The following FRMPD4 variants were observed in gnomAD, a reference collection of about 807,000 sequenced individuals.
FRMPD4 encodes FERM and PDZ domain containing 4.
In FRMPD4, 22 loss-of-function variants were observed where a neutral mutation model predicts 94.1. The ratio of observed to expected loss-of-function variants is 0.23; its 90% CI spans 0.17 to 0.33. The LOEUF (loss-of-function observed/expected upper bound fraction) is 0.33, where lower values mean the gene tolerates loss of function less well. Ranked by LOEUF, FRMPD4 falls within the 10% of genes least tolerant of loss-of-function variation. The probability of loss-of-function intolerance (pLI) is 1.00; values close to 1 mark genes in which losing one functional copy is unlikely to be tolerated. For synonymous variants in FRMPD4, 631 were observed against 548.6 expected (o/e 1.15, Z -2.10); for missense variants, 1,111 against 1,339.9 (o/e 0.83, Z 2.67).
chrX:12,398,026 TG>T (rs1407594951), intron 1 of FRMPD4, among the ~76,000 whole-genome samples: 2 of 111,412 alleles, frequency 1.8e-5, no homozygotes, highest in Non-Finnish European at 3.8e-5. Flanking sequence ...CTCCTATCAC[TG>T]GGGGTCCTTT....
Position 12,686,101 on chromosome X carries a change from C to T in FRMPD4, c.578C>T (p.Thr193Ile), listed in dbSNP as rs1341649571. ...EVIINGQVSE[T>I]VKDNSLLFMP... is the part of the protein sequence containing the mutation. ...GCCCTTTTTTTTGTTAAACAGGAAACTGTTAAGGACAACTCACTTCTTTTT... is the reference window on the plus strand; with the variant it reads ...GCCCTTTTTTTTGTTAAACAGGAAATTGTTAAGGACAACTCACTTCTTTTT... The change falls in exon 7 of 17, where the codon ACT becomes ATT. Residue 193 changes from threonine to isoleucine, a missense_variant. Coordinates refer to ENST00000675598, the MANE Select transcript of FRMPD4 (RefSeq NM_001368397.1). 9.1e-7 allele frequency: 1 copy of T among 1,102,174 alleles called. No homozygotes were observed. Among genetic ancestry groups the T allele is most frequent in the Non-Finnish European group, 1.2e-6 (1 of 800,008 alleles). The allele number at this position is 1,102,174 out of a possible 1,213,427, so 90.8% of individuals were successfully genotyped here. A position where few individuals can be genotyped will look rare whatever the true frequency, so the allele number is the denominator to read the frequency against.
At chrX:12,245,880 T>C (rs1486944258) in intron 1 of FRMPD4, among the ~76,000 whole-genome samples, 2 of 111,266 alleles carry the variant, frequency 1.8e-5, no homozygotes, top group Non-Finnish European at 3.8e-5. Flanking sequence ...CCCTGGACCT[T>C]GGACTTCCTA....
chrX:11,973,851 T>C (rs2054353527), intron 3 of FRMPD4, among the ~76,000 whole-genome samples: 1 of 111,290 alleles, frequency 9.0e-6, no homozygotes, highest in South Asian at 3.8e-4. Context: ...GTGGCAAGTC[T>C]TGAAGAGAAC....
At chrX:12,330,999 T>G (rs1485967551) in intron 1 of FRMPD4, among the ~76,000 whole-genome samples, 4 of 111,707 alleles carry the variant, frequency 3.6e-5, no homozygotes, top group South Asian at 3.7e-4. Flanking sequence ...TTACAAGCCA[T>G]ACAGTTTCTG....
intron 1 of FRMPD4, among the ~76,000 whole-genome samples, chrX:12,188,403 G>C (rs2056449816): frequency 9.0e-6 from 1 of 111,516 alleles, no homozygotes; most frequent in Non-Finnish European, 1.9e-5. Flanking sequence ...ATCAGCAGAA[G>C]TATTTGGAGG....
At chrX:12,030,704 A>G (rs1421473258) in intron 3 of FRMPD4, among the ~76,000 whole-genome samples, 3 of 112,008 alleles carry the variant, frequency 2.7e-5, no homozygotes, top group African/African-American at 9.7e-5. Context: ...AGGGAGAAAA[A>G]GAAAATGAAG....
intron 1 of FRMPD4, among the ~76,000 whole-genome samples, chrX:12,432,197 C>A (rs751477129): frequency 2.7e-5 from 3 of 112,012 alleles, no homozygotes; most frequent in Non-Finnish European, 5.6e-5. Flanking sequence ...CTCAGAGAGG[C>A]CTTCACTGAC....
chrX:11,953,606 C>T (rs2054238002), intron 3 of FRMPD4, among the ~76,000 whole-genome samples: 2 of 111,315 alleles, frequency 1.8e-5, no homozygotes, highest in Admixed American at 9.6e-5. Flanking sequence ...AATGGTCCCA[C>T]CAGAAGATCT....
At chrX:12,639,311 G>A (rs1293695386) in intron 4 of FRMPD4, among the ~76,000 whole-genome samples, 1 of 112,054 alleles carries the variant, frequency 8.9e-6, no homozygotes, top group Non-Finnish European at 1.9e-5. Flanking sequence ...TATCTCTTGT[G>A]GTCATGTAGC....
chrX:11,860,211 T>C (rs763278999), intron 1 of FRMPD4, among the ~76,000 whole-genome samples: 1 of 112,665 alleles, frequency 8.9e-6, no homozygotes, highest in Non-Finnish European at 1.9e-5. Context: ...AAGAATGGGT[T>C]GCTGTGGTTC....
At chrX:12,563,159 G>C (rs1242573043) in intron 2 of FRMPD4, among the ~76,000 whole-genome samples, 1 of 111,171 alleles carries the variant, frequency 9.0e-6, no homozygotes, top group Non-Finnish European at 1.9e-5. Context: ...TGTTGAAACT[G>C]AAACTGTGAA....
intron 1 of FRMPD4, among the ~76,000 whole-genome samples, chrX:12,192,583 C>T (rs190322011): frequency 3.6e-5 from 4 of 111,821 alleles, no homozygotes; most frequent in African/African-American, 6.5e-5. Context: ...GATTAACCTC[C>T]TTGCCATCTG....
intron 3 of FRMPD4, among the ~76,000 whole-genome samples, chrX:11,995,338 A>G (rs1238222162): frequency 9.0e-6 from 1 of 111,409 alleles, no homozygotes; most frequent in Non-Finnish European, 1.9e-5. Flanking sequence ...GTAGCATCTT[A>G]TTATTTTTTT....
At chrX:12,007,247 G>A (rs1286153790) in intron 3 of FRMPD4, among the ~76,000 whole-genome samples, 1 of 111,474 alleles carries the variant, frequency 9.0e-6, no homozygotes, top group African/African-American at 3.3e-5. Context: ...GTGTCAGCTT[G>A]CCAGCCACAT....
At chrX:12,071,195 G>C (rs987910533) in intron 3 of FRMPD4, among the ~76,000 whole-genome samples, 3 of 110,110 alleles carry the variant, frequency 2.7e-5, no homozygotes, top group Non-Finnish European at 5.7e-5. Flanking sequence ...TCCTGGCTTC[G>C]TCATTCCTAG....
At chrX:12,565,414 G>C (rs185070599) in intron 2 of FRMPD4, among the ~76,000 whole-genome samples, 11 of 111,968 alleles carry the variant, frequency 9.8e-5, no homozygotes, top group Admixed American at 8.5e-4. Flanking sequence ...CATCACCAGT[G>C]ATAAGTCATG....
intron 1 of FRMPD4, among the ~76,000 whole-genome samples, chrX:12,168,695 C>T (rs191196418): frequency 1.2e-3 from 116 of 100,769 alleles, no homozygotes; most frequent in East Asian, 0.01. Flanking sequence ...GTGTGATCTC[C>T]GCTCACTGCC....
At chrX:12,265,250 A>C (rs1221805031) in intron 1 of FRMPD4, among the ~76,000 whole-genome samples, 1 of 112,520 alleles carries the variant, frequency 8.9e-6, no homozygotes, top group Non-Finnish European at 1.9e-5. Context: ...TTTAACGTGC[A>C]GATAAATCTG....
intron 3 of FRMPD4, among the ~76,000 whole-genome samples, chrX:12,031,757 G>A (rs930834088): frequency 1.8e-5 from 2 of 111,740 alleles, no homozygotes; most frequent in African/African-American, 3.3e-5. Flanking sequence ...GGAGACTTAC[G>A]TAATCAGGTG....
Sources: gnomAD v4.1 joint callset for allele counts (sites outside exome capture counted in the v4.1 genomes callset) on GRCh38, gnomAD v4.1.1 for gene constraint, MANE v1.5 for transcripts, NCBI Gene and HGNC (gene_info 2026-07-23, HGNC 2026-07-21) for gene names.